TFG: variants seen among roughly 807,000 people sequenced by gnomAD.
TFG encodes protein TFG.
A neutral mutation model predicts 51.4 loss-of-function variants in TFG; 22 were observed. That is an observed-to-expected ratio of 0.43 (90% CI 0.31 to 0.61). The LOEUF is 0.61. Among genes scored for constraint, TFG ranks in the 20% least tolerant of loss-of-function variants. TFG has a pLI of 0.12. For missense variants in TFG, 419 were observed against 487.7 expected (o/e 0.86, Z 1.33); for synonymous variants, 187 against 165.6 (o/e 1.13, Z -0.99).
At chr3:100,710,725 AC>A (rs1203374673) in intron 1 of TFG, among the ~76,000 whole-genome samples, 1 of 152,180 alleles carries the variant, frequency 6.6e-6, no homozygotes, top group East Asian at 1.9e-4. Flanking sequence ...GTTATATTAT[AC>A]AAGTTAGAAG....
intron 3 of TFG, among the ~76,000 whole-genome samples, chr3:100,724,867 T>C (rs1374557734): frequency 6.6e-6 from 1 of 152,206 alleles, no homozygotes; most frequent in Non-Finnish European, 1.5e-5. Context: ...CATTCATATC[T>C]CAATCATGTT....
intron 2 of TFG, among the ~76,000 whole-genome samples, chr3:100,716,879 T>G (rs1336528662): frequency 6.6e-6 from 1 of 152,194 alleles, no homozygotes; most frequent in Non-Finnish European, 1.5e-5. Flanking sequence ...TTGCCGATTT[T>G]AAAATCGGAT....
At chr3:100,741,656 G>A (rs2095121606) in intron 6 of TFG, among the ~76,000 whole-genome samples, 1 of 152,046 alleles carries the variant, frequency 6.6e-6, no homozygotes, top group African/African-American at 2.4e-5. Context: ...AATGTCCTTG[G>A]CCTTCACATT....
intron 3 of TFG, among the ~76,000 whole-genome samples, chr3:100,722,119 C>T (rs1240599607): frequency 2.0e-5 from 3 of 152,050 alleles, no homozygotes; most frequent in Admixed American, 2.0e-4. Flanking sequence ...CCACTGCACT[C>T]CAGCCTGGGT....
intron 1 of TFG, among the ~76,000 whole-genome samples, chr3:100,711,836 G>C (rs561625148): frequency 3.0e-4 from 46 of 152,210 alleles, no homozygotes; most frequent in African/African-American, 1.1e-3. Flanking sequence ...TCTTGGTGAA[G>C]TAATTATACT....
chr3:100,741,922 C>T (rs9870028), intron 6 of TFG, among the ~76,000 whole-genome samples: 4,530 of 152,204 alleles, frequency 0.03, 185 homozygotes, highest in African/African-American at 0.092. Context: ...AGGCTATATA[C>T]ATCTAGGTTT....
intron 4 of TFG, among the ~76,000 whole-genome samples, chr3:100,729,889 A>T (rs1236661055): frequency 1.3e-5 from 2 of 152,134 alleles, no homozygotes; most frequent in Non-Finnish European, 2.9e-5. Context: ...TAGATGTTTA[A>T]TAAATATTTG....
At chr3:100,738,994 T>C (rs1249855006) in intron 6 of TFG, among the ~76,000 whole-genome samples, 1 of 152,216 alleles carries the variant, frequency 6.6e-6, no homozygotes, top group Non-Finnish European at 1.5e-5. Context: ...ATATCACATT[T>C]CAAACAAGCC....
intron 1 of TFG, among the ~76,000 whole-genome samples, chr3:100,711,640 C>T (rs1208337134): frequency 6.6e-6 from 1 of 152,156 alleles, no homozygotes; most frequent in Admixed American, 6.5e-5. Flanking sequence ...TTCTATATGT[C>T]AGGCACTTTT....
intron 5 of TFG, 112 bp from the exon 6 acceptor site, chr3:100,736,464 T>C: frequency 8.4e-7 from 1 of 1,187,462 alleles, no homozygotes; most frequent in East Asian, 2.4e-5. Flanking sequence ...TATTTGTGGT[T>C]ATATACTTAT....
chr3:100,733,625 C>T (rs1050722513), intron 5 of TFG, among the ~76,000 whole-genome samples: 4 of 152,082 alleles, frequency 2.6e-5, no homozygotes, highest in African/African-American at 7.2e-5. Flanking sequence ...CACACACTCC[C>T]CCCAACTCCA....
intron 3 of TFG, among the ~76,000 whole-genome samples, chr3:100,722,207 A>G (rs912029548): frequency 1.3e-5 from 2 of 152,238 alleles, no homozygotes; most frequent in African/African-American, 4.8e-5. Flanking sequence ...ATTATGGAAA[A>G]ACAATAAACA....
Position 100,710,352 on chromosome 3 carries a change from A to C in TFG, c.-44+631A>C, listed in dbSNP as rs144101732. On this transcript the variant is annotated intron_variant, in intron 1 of 7. Transcript: ENST00000240851. ...TCATCACAAGGATTCCTCCAAATTC[A>C]GATATGGTTGTTTTCATTTCGAATG... The C allele has an allele frequency of 9.8e-5, 15 of 152,358 alleles. No homozygotes were observed. The East Asian group carries it at 2.7e-3, about 27-fold the overall frequency. The allele number at this position is 152,358 out of a possible 1,614,324, so 9.4% of individuals were successfully genotyped here.
intron 2 of TFG, among the ~76,000 whole-genome samples, chr3:100,718,988 C>G (rs934127360): frequency 1.3e-5 from 2 of 152,122 alleles, no homozygotes; most frequent in African/African-American, 4.8e-5. Context: ...AAAAAAAGAA[C>G]AGGAAGTTTT....
At chr3:100,729,920 G>C (rs1384198) in intron 4 of TFG, among the ~76,000 whole-genome samples, 102,214 of 152,012 alleles carry the variant, frequency 0.67, 34,537 homozygotes, top group South Asian at 0.83. Flanking sequence ...ATTCCTAGTT[G>C]CACTTCTATT....
intron 6 of TFG, chr3:100,742,664 A>G (rs1371123905): frequency 6.6e-6 from 1 of 152,156 alleles, no homozygotes; most frequent in Admixed American, 6.5e-5. Flanking sequence ...GAGAAAACCC[A>G]CACAGACTTG....
chr3:100,712,549 A>G (rs1279319422), intron 1 of TFG, among the ~76,000 whole-genome samples: 3 of 152,224 alleles, frequency 2.0e-5, no homozygotes, highest in African/African-American at 7.2e-5. Flanking sequence ...GATTATAGAT[A>G]ACATTCAGGA....
At chr3:100,745,584 A>G (rs1055863730) in intron 7 of TFG, among the ~76,000 whole-genome samples, 4 of 152,224 alleles carry the variant, frequency 2.6e-5, no homozygotes, top group African/African-American at 4.8e-5. Context: ...AACTTTGGCT[A>G]TAATTCCAGT....
intron 5 of TFG, among the ~76,000 whole-genome samples, chr3:100,735,876 T>C (rs1473502835): frequency 6.7e-6 from 1 of 149,498 alleles, no homozygotes; most frequent in East Asian, 1.9e-4. Context: ...AGAGGGAAAG[T>C]GAGAGCTATT....
Sources: allele counts gnomAD v4.1 joint callset (sites outside exome capture counted in the v4.1 genomes callset), GRCh38; gene constraint gnomAD v4.1.1; transcripts MANE v1.5; gene names NCBI Gene and HGNC (gene_info 2026-07-23, HGNC 2026-07-21).